MAF: variants seen among roughly 807,000 people sequenced by gnomAD.
The protein encoded by MAF is transcription factor Maf.
A neutral mutation model predicts 22.0 loss-of-function variants in MAF; 10 were observed. The ratio of observed to expected loss-of-function variants is 0.45; its 90% CI spans 0.28 to 0.77. The LOEUF is 0.77. Ranked by LOEUF, MAF falls within the 30% of genes least tolerant of loss-of-function variation. The probability of loss-of-function intolerance (pLI) is 0.12; values close to 1 mark genes in which losing one functional copy is unlikely to be tolerated. For missense variants in MAF, 544 were observed against 548.4 expected (o/e 0.99, Z 0.08); for synonymous variants, 337 against 255.8 (o/e 1.32, Z -3.03).
chr16:79,239,226 C>T, the MAF span, among the ~76,000 whole-genome samples: 4 of 152,090 alleles, frequency 2.6e-5, no homozygotes, highest in Admixed American at 6.6e-5. Context: ...CGAGCTGGAA[C>T]ATTTGCATGG....
the MAF span, among the ~76,000 whole-genome samples, chr16:79,489,407 C>A: frequency 6.6e-6 from 1 of 152,124 alleles, no homozygotes; most frequent in East Asian, 1.9e-4. Flanking sequence ...TGCATCAGTT[C>A]CCGTGATAAG....
the MAF span, among the ~76,000 whole-genome samples, chr16:79,357,175 G>A: frequency 6.6e-6 from 1 of 151,918 alleles, no homozygotes; most frequent in Admixed American, 6.6e-5. Flanking sequence ...AGAATTGCTT[G>A]AACTTGGGAG....
the MAF span, among the ~76,000 whole-genome samples, chr16:79,510,198 T>C: frequency 6.6e-6 from 1 of 152,224 alleles, no homozygotes; most frequent in Non-Finnish European, 1.5e-5. Flanking sequence ...ATATAGTGCT[T>C]AGAAGCACAT....
At chr16:79,518,268 A>T in the MAF span, among the ~76,000 whole-genome samples, 1 of 152,198 alleles carries the variant, frequency 6.6e-6, no homozygotes, top group Non-Finnish European at 1.5e-5. Flanking sequence ...CCAGTGCATG[A>T]TACTGGCAAA....
chr16:79,551,970 G>A, the MAF span, among the ~76,000 whole-genome samples: 7 of 151,986 alleles, frequency 4.6e-5, no homozygotes, highest in African/African-American at 1.7e-4. Flanking sequence ...CTTCGACACA[G>A]CTGTGATTTT....
chr16:79,490,543 G>A, the MAF span, among the ~76,000 whole-genome samples: 1 of 152,082 alleles, frequency 6.6e-6, no homozygotes, highest in East Asian at 1.9e-4. Flanking sequence ...AGATCTATAT[G>A]CACTGACATA....
the MAF span, among the ~76,000 whole-genome samples, chr16:79,403,730 C>A: frequency 6.6e-6 from 1 of 152,166 alleles, no homozygotes; most frequent in Non-Finnish European, 1.5e-5. Context: ...GCAGGGATAG[C>A]AACCTAACAT....
the MAF span, among the ~76,000 whole-genome samples, chr16:79,575,785 G>A: frequency 6.6e-6 from 1 of 152,118 alleles, no homozygotes; most frequent in Non-Finnish European, 1.5e-5. Flanking sequence ...CTATAACAAA[G>A]GAACAGAAAC....
At chr16:79,309,583 C>G in the MAF span, among the ~76,000 whole-genome samples, 1 of 152,174 alleles carries the variant, frequency 6.6e-6, no homozygotes, top group African/African-American at 2.4e-5. Flanking sequence ...AAAGGAGGCT[C>G]ATAACACCTG....
chr16:79,273,044 T>C, the MAF span, among the ~76,000 whole-genome samples: 1 of 152,238 alleles, frequency 6.6e-6, no homozygotes, highest in African/African-American at 2.4e-5. Flanking sequence ...GCCGAAGTTA[T>C]TGATAATACA....
the MAF span, among the ~76,000 whole-genome samples, chr16:79,221,103 G>A: frequency 4.6e-5 from 7 of 152,224 alleles, no homozygotes; most frequent in African/African-American, 1.7e-4. Context: ...TGCTGCTTCA[G>A]AACCTACTGA....
the MAF span, chr16:79,204,021 C>T: frequency 6.6e-6 from 1 of 152,136 alleles, no homozygotes; most frequent in Non-Finnish European, 1.5e-5. Flanking sequence ...ATTTCAGTGA[C>T]ATGCCATCAG....
chr16:79,315,314 G>A, the MAF span, among the ~76,000 whole-genome samples: 1 of 151,970 alleles, frequency 6.6e-6, no homozygotes, highest in Non-Finnish European at 1.5e-5. Context: ...TATGAAATTG[G>A]GTGAATGGAT....
the MAF span, among the ~76,000 whole-genome samples, chr16:79,269,612 T>C: frequency 6.6e-6 from 1 of 152,134 alleles, no homozygotes; most frequent in African/African-American, 2.4e-5. Context: ...ATATGGCTGA[T>C]CTGAAACTCC....
chr16:79,247,873 A>C, the MAF span, among the ~76,000 whole-genome samples: 7 of 152,192 alleles, frequency 4.6e-5, no homozygotes, highest in African/African-American at 1.4e-4. Flanking sequence ...ATATTAGAAA[A>C]TAGCCATTGC....
At chr16:79,263,618 A>C in the MAF span, among the ~76,000 whole-genome samples, 71,872 of 151,996 alleles carry the variant, frequency 0.47, 17,817 homozygotes, top group Non-Finnish European at 0.53. Context: ...AATCTTAGTC[A>C]AAGTGTCTTT....
At chr16:79,481,860 A>G in the MAF span, among the ~76,000 whole-genome samples, 1 of 152,224 alleles carries the variant, frequency 6.6e-6, no homozygotes, top group Non-Finnish European at 1.5e-5. Flanking sequence ...TAGGGGAGAC[A>G]GTCACAGGAA....
At chr16:79,355,569 TCCATGGAGAACGTC>T in the MAF span, among the ~76,000 whole-genome samples, 1 of 152,174 alleles carries the variant, frequency 6.6e-6, no homozygotes, top group Non-Finnish European at 1.5e-5. Context: ...AGCCTCCTCT[TCCATGGAGAACGTC>T]CTATCTCCCT....
chr16:79,514,047 C>G, the MAF span, among the ~76,000 whole-genome samples: 1 of 152,198 alleles, frequency 6.6e-6, no homozygotes, highest in Non-Finnish European at 1.5e-5. Flanking sequence ...TCTATTTTAT[C>G]CCTCCTTCCC....
Sources: allele counts gnomAD v4.1 joint callset (sites outside exome capture counted in the v4.1 genomes callset), GRCh38; gene constraint gnomAD v4.1.1; transcripts MANE v1.5; gene names NCBI Gene and HGNC (gene_info 2026-07-23, HGNC 2026-07-21).